Variants in UBE2D2 observed in about 807,000 individuals in gnomAD.
UBE2D2 encodes the protein ubiquitin conjugating enzyme E2 D2, also known as ubiquitin-conjugating enzyme E2 D2.
In UBE2D2, 2 loss-of-function variants were observed where a neutral mutation model predicts 24.2. That is an observed-to-expected ratio of 0.08 (90% confidence interval 0.03 to 0.26). The LOEUF (loss-of-function observed/expected upper bound fraction) is 0.26. Ranked by LOEUF, UBE2D2 falls within the 10% of genes least tolerant of loss-of-function variation. The probability of loss-of-function intolerance (pLI) is 1.00; values close to 1 mark genes in which losing one functional copy is unlikely to be tolerated. For synonymous variants in UBE2D2, 58 were observed against 56.5 expected, an observed-to-expected ratio of 1.03 and a Z score of -0.12; for missense variants, 44 against 177.6, an observed-to-expected ratio of 0.25 and a Z score of 4.28.
intron 5 of UBE2D2, among the ~76,000 whole-genome samples, chr5:139,618,148 A>G (rs1293125418): frequency 6.6e-6 from 1 of 151,874 alleles, no homozygotes; most frequent in Non-Finnish European, 1.5e-5. Flanking sequence ...ATAATTTTGT[A>G]TTTTTAGTAG....
At chr5:139,572,668 CAG>C (rs886707295) in intron 1 of UBE2D2, among the ~76,000 whole-genome samples, 7 of 142,014 alleles carry the variant, frequency 4.9e-5, no homozygotes, top group East Asian at 2.1e-4. Flanking sequence ...TTTTTTGAGA[CAG>C]AGACTTGCTC....
intron 1 of UBE2D2, among the ~76,000 whole-genome samples, chr5:139,562,673 C>G (rs191660429): frequency 6.6e-6 from 1 of 152,132 alleles, no homozygotes; most frequent in Admixed American, 6.5e-5. Flanking sequence ...AGGGGTTTTA[C>G]TAGATTTTGT....
intron 5 of UBE2D2, among the ~76,000 whole-genome samples, chr5:139,616,864 G>A (rs555926354): frequency 3.3e-4 from 50 of 152,184 alleles, no homozygotes; most frequent in African/African-American, 9.9e-4. Flanking sequence ...AAAATAGATC[G>A]GTTCCAGCAC....
At chr5:139,552,675 ATTTTTTT>A (rs35039276) in intron 1 of UBE2D2, among the ~76,000 whole-genome samples, 26 of 59,342 alleles carry the variant, frequency 4.4e-4, no homozygotes, top group African/African-American at 1.2e-3. Context: ...CGCTTGGCTA[ATTTTTTT>A]TTTTTTTTTT....
intron 1 of UBE2D2, among the ~76,000 whole-genome samples, chr5:139,562,787 AT>A (rs968395071): frequency 1.3e-5 from 2 of 151,466 alleles, no homozygotes; most frequent in Admixed American, 6.6e-5. Context: ...CTTAAAATTT[AT>A]TTTTTTTCCC....
Position 139,582,827 on chromosome 5 carries a change from C to T in UBE2D2, c.25-17545C>T, listed in dbSNP as rs896354543. On this transcript the variant is annotated intron_variant, in intron 1 of 6. Transcript: ENST00000398733. ...GTGGGACTGCAGGCATCCGCCGCCA[C>T]GCCCAGCTAATTTTTTGTAGTTTTA... is the stretch of plus-strand genomic sequence containing the variant. 3.3e-5 allele frequency among the ~76,000 whole-genome samples: 5 copies of T among 151,866 alleles called. No individual in the cohort carries two copies. In the East Asian group the frequency reaches 5.8e-4, roughly 18 times the overall value.
chr5:139,530,376 G>C (rs1424308071), intron 1 of UBE2D2, among the ~76,000 whole-genome samples: 1 of 152,148 alleles, frequency 6.6e-6, no homozygotes, highest in Non-Finnish European at 1.5e-5. Context: ...AGGCTTCCCA[G>C]TCTATGCTTC....
intron 2 of UBE2D2, among the ~76,000 whole-genome samples, chr5:139,613,910 A>C (rs962813887): frequency 2.0e-5 from 3 of 152,122 alleles, no homozygotes; most frequent in Non-Finnish European, 2.9e-5. Flanking sequence ...AAAAATACAA[A>C]AATTAGCCAG....
upstream of UBE2D2, among the ~76,000 whole-genome samples, chr5:139,556,382 C>T (rs1299802355): frequency 1.3e-5 from 2 of 151,932 alleles, no homozygotes; most frequent in Non-Finnish European, 2.9e-5. Flanking sequence ...GTACTCCAGC[C>T]TGGGCAACAG....
chr5:139,531,625 C>CAAA (rs112323447), intron 1 of UBE2D2, among the ~76,000 whole-genome samples: 5 of 97,350 alleles, frequency 5.1e-5, no homozygotes, highest in Non-Finnish European at 1.1e-4. Flanking sequence ...AGACCCTATC[C>CAAA]AAAAAAAAAA....
chr5:139,531,354 T>A (rs1269178337), intron 1 of UBE2D2, among the ~76,000 whole-genome samples: 1 of 152,190 alleles, frequency 6.6e-6, no homozygotes, highest in Non-Finnish European at 1.5e-5. Context: ...CACCGGTGCA[T>A]GCAGCCCCTG....
chr5:139,626,822 C>T lies in UBE2D2; in HGVS notation c.*21C>T. 6.2e-7 allele frequency: 1 copy of T among 1,602,260 alleles called. No individual in the cohort carries two copies. Among genetic ancestry groups the T allele is most frequent in the Non-Finnish European group, 8.5e-7 (1 of 1,172,080 alleles). ...TGTAATTAAAGAAATTATTGGATAA[C>T]CTCTACAAATAAAGATAGGGGAACT... On this transcript the variant is annotated 3_prime_UTR_variant, in exon 7 of 7. Coordinates refer to ENST00000398733, the MANE Select transcript of UBE2D2 (RefSeq NM_003339.3).
At chr5:139,542,158 C>T (rs748116405) in intron 1 of UBE2D2, among the ~76,000 whole-genome samples, 12 of 152,014 alleles carry the variant, frequency 7.9e-5, no homozygotes, top group Non-Finnish European at 1.8e-4. Flanking sequence ...CTGCATTCCA[C>T]CCTGGGCGAC....
At chr5:139,603,491 C>T (rs978863159) in intron 2 of UBE2D2, among the ~76,000 whole-genome samples, 1 of 151,806 alleles carries the variant, frequency 6.6e-6, no homozygotes, top group South Asian at 2.1e-4. Context: ...GGCGCGGTGG[C>T]GCCTGCCTAT....
chr5:139,609,053 C>CTCCA (rs1003768788), intron 2 of UBE2D2, among the ~76,000 whole-genome samples: 5 of 151,666 alleles, frequency 3.3e-5, no homozygotes, highest in Non-Finnish European at 7.4e-5. Flanking sequence ...CACCACTGCA[C>CTCCA]TCCAGCCCAG....
At chr5:139,540,845 T>A (rs1394350635) in intron 1 of UBE2D2, among the ~76,000 whole-genome samples, 7 of 149,642 alleles carry the variant, frequency 4.7e-5, no homozygotes, top group African/African-American at 1.7e-4. Context: ...ACAAAAAAAA[T>A]TTGCTGGGCA....
At chr5:139,590,782 CTTTTTTTTTTTTTT>C (rs57962602) in intron 1 of UBE2D2, among the ~76,000 whole-genome samples, 11 of 38,420 alleles carry the variant, frequency 2.9e-4, no homozygotes, top group Admixed American at 2.1e-3. Context: ...TTCTCTTCTT[CTTTTTTTTTTTTTT>C]TTTTTTTTTT....
At chr5:139,583,138 G>C (rs937848826) in intron 1 of UBE2D2, among the ~76,000 whole-genome samples, 2 of 151,476 alleles carry the variant, frequency 1.3e-5, no homozygotes, top group Non-Finnish European at 2.9e-5. Flanking sequence ...CCACACCCGG[G>C]TAATTTTTGT....
chr5:139,582,968 C>G (rs1238762771), intron 1 of UBE2D2, among the ~76,000 whole-genome samples: 2 of 147,920 alleles, frequency 1.4e-5, no homozygotes, highest in African/African-American at 2.5e-5. Context: ...CTGCGCCCGG[C>G]TTTTTTTTCT....
Sources: allele counts gnomAD v4.1 joint callset (sites outside exome capture counted in the v4.1 genomes callset), GRCh38; gene constraint gnomAD v4.1.1; transcripts MANE v1.5; gene names NCBI Gene and HGNC (gene_info 2026-07-23, HGNC 2026-07-21).